Variants in PPP1R12B observed in about 807,000 individuals in gnomAD.
PPP1R12B encodes the protein myosin phosphatase target subunit 2.
PPP1R12B carries 76 observed loss-of-function variants against 126.1 expected under a neutral mutation model. The ratio of observed to expected loss-of-function variants is 0.60; its 90% CI spans 0.50 to 0.73. The LOEUF (loss-of-function observed/expected upper bound fraction) is 0.73, where lower values mean the gene tolerates loss of function less well. PPP1R12B is among the 30% of genes least tolerant of loss of function. PPP1R12B has a pLI of 0.00. For missense variants in PPP1R12B, 1,052 were observed against 1,205.1 expected (o/e 0.87, Z 1.88); for synonymous variants, 356 against 434.7 (o/e 0.82, Z 2.25).
chr1:202,514,662 G>GC (rs370250737), intron 18 of PPP1R12B, among the ~76,000 whole-genome samples: 7 of 152,266 alleles, frequency 4.6e-5, no homozygotes, highest in African/African-American at 1.7e-4. Context: ...AGTTATCCCA[G>GC]CACCATTTAC....
intron 13 of PPP1R12B, among the ~76,000 whole-genome samples, chr1:202,449,888 A>G (rs544966996): frequency 2.6e-5 from 4 of 151,558 alleles, no homozygotes; most frequent in Non-Finnish European, 4.4e-5. Flanking sequence ...GGGTTTCACC[A>G]TGTTAGCCAG....
intron 18 of PPP1R12B, among the ~76,000 whole-genome samples, chr1:202,554,989 G>A (rs1287900086): frequency 6.6e-6 from 1 of 151,924 alleles, no homozygotes; most frequent in Non-Finnish European, 1.5e-5. Flanking sequence ...TAGGCCTCTC[G>A]AAAACCCTAT....
chr1:202,459,062 C>T (rs1316543079), intron 13 of PPP1R12B, among the ~76,000 whole-genome samples: 1 of 152,148 alleles, frequency 6.6e-6, no homozygotes, highest in African/African-American at 2.4e-5. Context: ...TATGTGCATA[C>T]CAATTGGCCA....
At chr1:202,441,767 G>A (rs774745817) in intron 11 of PPP1R12B, among the ~76,000 whole-genome samples, 2 of 151,558 alleles carry the variant, frequency 1.3e-5, no homozygotes, top group Non-Finnish European at 2.9e-5. Flanking sequence ...TTTTTTTCTC[G>A]GTAACAGACT....
chr1:202,564,776 ATAAT>A (rs1252790386), intron 21 of PPP1R12B, among the ~76,000 whole-genome samples: 21 of 152,258 alleles, frequency 1.4e-4, no homozygotes, highest in African/African-American at 4.8e-4. Context: ...CTGAATGCTA[ATAAT>A]TAATACTATG....
intron 15 of PPP1R12B, among the ~76,000 whole-genome samples, chr1:202,494,751 C>A (rs1679329277): frequency 6.6e-6 from 1 of 151,424 alleles, no homozygotes. Context: ...AACAACAAAA[C>A]AAAACTACAA....
chr1:202,517,418 ACGTT>A (rs1237109074), intron 18 of PPP1R12B, among the ~76,000 whole-genome samples: 2 of 152,224 alleles, frequency 1.3e-5, no homozygotes, highest in Non-Finnish European at 1.5e-5. Context: ...CTATGTATTT[ACGTT>A]AGTTCCTTAA....
intron 1 of PPP1R12B, among the ~76,000 whole-genome samples, chr1:202,352,624 C>T (rs1339779781): frequency 1.3e-5 from 2 of 152,132 alleles, no homozygotes; most frequent in East Asian, 1.9e-4. Flanking sequence ...GGTGGTGGCT[C>T]ACGCTTGTAA....
chr1:202,534,180 T>C (rs564119571), intron 18 of PPP1R12B, among the ~76,000 whole-genome samples: 4 of 152,352 alleles, frequency 2.6e-5, no homozygotes, highest in African/African-American at 9.6e-5. Flanking sequence ...GCTCTTATTA[T>C]CCCAGGTTTG....
intron 13 of PPP1R12B, among the ~76,000 whole-genome samples, chr1:202,456,138 G>A (rs1673600633): frequency 6.6e-6 from 1 of 151,800 alleles, no homozygotes; most frequent in South Asian, 2.1e-4. Context: ...GAGTGGTGAT[G>A]CACGCCTGTA....
chr1:202,530,077 C>A (rs1683771888), intron 18 of PPP1R12B, among the ~76,000 whole-genome samples: 1 of 152,098 alleles, frequency 6.6e-6, no homozygotes, highest in African/African-American at 2.4e-5. Flanking sequence ...CCTTTTGCTA[C>A]TTTTAAGCTA....
intron 18 of PPP1R12B, among the ~76,000 whole-genome samples, chr1:202,510,905 A>G (rs984760093): frequency 1.4e-5 from 2 of 146,554 alleles, no homozygotes; most frequent in African/African-American, 5.0e-5. Context: ...CTAATATAAT[A>G]TATAATATAA....
chr1:202,569,116 A>G, intron 22 of PPP1R12B, 31 bp from the exon 23 acceptor site: 7 of 1,607,422 alleles, frequency 4.4e-6, no homozygotes, highest in Non-Finnish European at 6.0e-6. Context: ...TGAATTCAAT[A>G]ATGTTCAACA....
At chr1:202,563,711 A>G (rs1270656940) in intron 20 of PPP1R12B, among the ~76,000 whole-genome samples, 2 of 152,136 alleles carry the variant, frequency 1.3e-5, no homozygotes, top group African/African-American at 4.8e-5. Context: ...CCTAACTCCA[A>G]GAGTAGACTT....
intron 18 of PPP1R12B, among the ~76,000 whole-genome samples, chr1:202,543,336 C>G (rs1685307941): frequency 6.6e-6 from 1 of 152,116 alleles, no homozygotes; most frequent in South Asian, 2.1e-4. Flanking sequence ...TAGTGCATGT[C>G]CTCACCAGCC....
In PPP1R12B at chr1:202,362,039, G is replaced by T. The variant is rs35636561; in HGVS notation, c.291+12897G>T. Among the ~76,000 whole-genome samples the T allele has an allele frequency of 8.0e-3, 1,211 of 151,836 alleles. 10 individuals are homozygous for T. Among genetic ancestry groups the T allele is most frequent in the Non-Finnish European group, 0.013 (864 of 67,960 alleles). ...GTTTTATGAACTGTTTTATTTATAT[G>T]CGGGCATTTCAGGGGAGGCAGATTA... On this transcript the variant is annotated intron_variant, in intron 1 of 23. Coordinates refer to ENST00000608999, the MANE Select transcript of PPP1R12B (RefSeq NM_002481.4).
chr1:202,414,669 C>A (rs996179658), intron 1 of PPP1R12B, among the ~76,000 whole-genome samples: 1 of 152,004 alleles, frequency 6.6e-6, no homozygotes, highest in Non-Finnish European at 1.5e-5. Flanking sequence ...TTTTCAAGTC[C>A]GAATAATCAT....
At chr1:202,402,447 T>G (rs1452943066) in intron 1 of PPP1R12B, among the ~76,000 whole-genome samples, 1 of 152,226 alleles carries the variant, frequency 6.6e-6, no homozygotes, top group African/African-American at 2.4e-5. Flanking sequence ...ACAGGCTATG[T>G]TTTGTTGTAT....
intron 9 of PPP1R12B, among the ~76,000 whole-genome samples, chr1:202,435,219 A>AT (rs1307416945): frequency 9.9e-5 from 15 of 152,180 alleles, no homozygotes; most frequent in Admixed American, 9.8e-4. Context: ...CAATATATGA[A>AT]TTTTTGGAGG....
Sources: gnomAD v4.1 joint callset for allele counts (sites outside exome capture counted in the v4.1 genomes callset) on GRCh38, gnomAD v4.1.1 for gene constraint, MANE v1.5 for transcripts, NCBI Gene and HGNC (gene_info 2026-07-23, HGNC 2026-07-21) for gene names.